The following MROH1 variants were observed in gnomAD, a reference collection of about 807,000 sequenced individuals.
The protein encoded by MROH1 is maestro heat like repeat family member 1.
A neutral mutation model predicts 116.5 loss-of-function variants in MROH1; 117 were observed. The observed-to-expected ratio is 1.00, with a 90% confidence interval of 0.86 to 1.17. The LOEUF is 1.17. Among genes scored for constraint, MROH1 ranks in the 50% most tolerant of loss-of-function variants. The probability of loss-of-function intolerance (pLI) is 0.00; values close to 1 mark genes in which losing one functional copy is unlikely to be tolerated. For missense variants in MROH1, 1,873 were observed against 1,338.5 expected, an observed-to-expected ratio of 1.40 and a Z score of -6.23; for synonymous variants, 921 against 583.9, an observed-to-expected ratio of 1.58 and a Z score of -8.32.
rs1290310773 is a variant in MROH1, at chr8:144,237,252, C to T, written c.1339-1504C>T. Among the ~76,000 whole-genome samples the T allele has an allele frequency of 3.3e-5, 5 of 152,302 alleles. No homozygotes were observed. In the South Asian group the frequency reaches 8.3e-4, roughly 25 times the overall value. ...GCATGCATCTCTCTCCGCATGGACT[C>T]GTGGTTTGCTGTTTGACGCAGGGGT... On this transcript the variant is annotated intron_variant, in intron 14 of 43. Transcript: ENST00000326134.
At chr8:144,209,955 G>A (rs1427225825) in intron 12 of MROH1, among the ~76,000 whole-genome samples, 1 of 148,982 alleles carries the variant, frequency 6.7e-6, no homozygotes, top group African/African-American at 2.5e-5. Flanking sequence ...TAAAACAAAT[G>A]TGTGACTTAT....
At chr8:144,257,929 T>G (rs1844208995) in intron 35 of MROH1, among the ~76,000 whole-genome samples, 1 of 151,662 alleles carries the variant, frequency 6.6e-6, no homozygotes, top group African/African-American at 2.4e-5. Context: ...GGCTGTGGAG[T>G]TGAAATGGAG....
At chr8:144,198,259 T>C (rs1313447168) in intron 10 of MROH1, among the ~76,000 whole-genome samples, 2 of 152,102 alleles carry the variant, frequency 1.3e-5, no homozygotes, top group Non-Finnish European at 2.9e-5. Flanking sequence ...GCTTTGGAGC[T>C]CTTTGTGCAG....
chr8:144,252,166 T>C (rs1842945026), intron 33 of MROH1: 2 of 173,114 alleles, frequency 1.2e-5, no homozygotes, highest in South Asian at 2.0e-4. Flanking sequence ...TGGCGATGCT[T>C]TGAATGTTCC....
In MROH1 at chr8:144,249,838, T is replaced by C. The variant is rs1363577618; in HGVS notation, c.3274-374T>C. ...CGTTGGCAGCTGTGTGGGTCCTGCC[T>C]CCGGTGGGCCTGCCAGGGGAGCCTG... is the stretch of plus-strand genomic sequence containing the variant. On this transcript the variant is annotated intron_variant, in intron 32 of 43. Coordinates refer to ENST00000326134, the MANE Select transcript of MROH1 (RefSeq NM_032450.3). 1.2e-4 allele frequency among the ~76,000 whole-genome samples: 18 copies of C among 152,284 alleles called. 1 individual carries two copies. The South Asian group carries it at 3.7e-3, about 32-fold the overall frequency.
intron 4 of MROH1, 40 bp downstream of exon 4, chr8:144,168,480 A>G: frequency 6.4e-7 from 1 of 1,567,050 alleles, no homozygotes; most frequent in Non-Finnish European, 8.7e-7. Flanking sequence ...TGTCAGGGCC[A>G]TGGTCGGTTG....
At chr8:144,156,068 G>A (rs1459151659) in intron 1 of MROH1, among the ~76,000 whole-genome samples, 6 of 151,520 alleles carry the variant, frequency 4.0e-5, no homozygotes, top group Non-Finnish European at 8.8e-5. Context: ...GAGAAACTCC[G>A]CCTGTACTAA....
At chr8:144,245,017 A>T in intron 28 of MROH1, 139 bp from the exon 29 acceptor site, 1 of 706,220 alleles carries the variant, frequency 1.4e-6, no homozygotes, top group Non-Finnish European at 2.6e-6. Context: ...GGCTGGCACC[A>T]CTCTGGGTCC....
chr8:144,158,720 T>A (rs978547355), intron 1 of MROH1, among the ~76,000 whole-genome samples: 1 of 151,940 alleles, frequency 6.6e-6, no homozygotes, highest in East Asian at 1.9e-4. Context: ...ACATACTTTG[T>A]ATGCATTGAC....
At chr8:144,179,625 A>G (rs1230249209) in intron 5 of MROH1, 39 bp downstream of exon 5, 2 of 1,570,442 alleles carry the variant, frequency 1.3e-6, no homozygotes, top group African/African-American at 1.4e-5. Flanking sequence ...ACTCAGGCCT[A>G]GCTTGGGAAG....
intron 7 of MROH1, among the ~76,000 whole-genome samples, chr8:144,190,459 GT>G (rs1828277067): frequency 6.6e-6 from 1 of 152,182 alleles, no homozygotes; most frequent in African/African-American, 2.4e-5. Flanking sequence ...GGCAAAGGTT[GT>G]AATGAGCTGA....
intron 7 of MROH1, among the ~76,000 whole-genome samples, chr8:144,189,344 T>C: frequency 6.6e-6 from 1 of 152,188 alleles, no homozygotes; most frequent in East Asian, 1.9e-4. Flanking sequence ...CTCCGCCTGG[T>C]CCTCAGCAGG....
intron 36 of MROH1, 115 bp downstream of exon 36, chr8:144,259,029 G>A (rs1844463414): frequency 4.7e-6 from 3 of 641,962 alleles, no homozygotes; most frequent in Non-Finnish European, 8.5e-6. Flanking sequence ...ATGGTGCCCT[G>A]GGCTCCTGCC....
chr8:144,250,780 AC>A (rs1842726796), intron 33 of MROH1: 1 of 354,500 alleles, frequency 2.8e-6, no homozygotes, highest in African/African-American at 2.1e-5. Context: ...CTGTGAGCAG[AC>A]CCCTGGGAAC....
chr8:144,261,440 T>C (rs1056181218), intron 43 of MROH1, 91 bp downstream of exon 43: 23 of 699,668 alleles, frequency 3.3e-5, no homozygotes, highest in Admixed American at 1.2e-4. Context: ...ATTTCAGGAC[T>C]TTTTCCCTGT....
intron 11 of MROH1, 29 bp from the exon 12 acceptor site, chr8:144,200,399 G>C: frequency 6.6e-7 from 1 of 1,505,776 alleles, no homozygotes. Flanking sequence ...AGATGACATG[G>C]AGCCTAATCT....
intron 7 of MROH1, among the ~76,000 whole-genome samples, chr8:144,187,143 G>C (rs567957863): frequency 1.3e-5 from 2 of 152,156 alleles, no homozygotes; most frequent in East Asian, 3.9e-4. Flanking sequence ...GGGCATGGTG[G>C]CCTACGCCTG....
intron 12 of MROH1, chr8:144,212,994 G>A (rs1392667936): frequency 1.3e-6 from 1 of 775,772 alleles, no homozygotes; most frequent in South Asian, 1.3e-5. Context: ...CGTTACACAG[G>A]CAGCACTAAC....
chr8:144,247,375 C>G lies in MROH1; in HGVS notation c.2946C>G (p.Ala982=). 2 of 771,456 alleles carry G rather than the reference C, an allele frequency of 2.6e-6. No individual in the cohort carries two copies. Among genetic ancestry groups the G allele is most frequent in the Non-Finnish European group, 4.8e-6 (2 of 414,190 alleles). The allele number at this position is 771,456 out of a possible 1,614,324, so 47.8% of individuals were successfully genotyped here. Residue 982 remains alanine, a synonymous_variant, in exon 30 of 44, where the codon GCC becomes GCG. Coordinates refer to ENST00000326134, the MANE Select transcript of MROH1 (RefSeq NM_032450.3). The part of the protein sequence containing the change: ...FSPRCADLWP[A]TRQEAVDCVY... ...CACGGTGTGCGGACCTGTGGCCTGC[C>G]ACCCGCCAGGAGGCCGTGGACTGTG...
Sources: gnomAD v4.1 joint callset for allele counts (sites outside exome capture counted in the v4.1 genomes callset) on GRCh38, gnomAD v4.1.1 for gene constraint, MANE v1.5 for transcripts, NCBI Gene and HGNC (gene_info 2026-07-23, HGNC 2026-07-21) for gene names.